The following NDUFAF6 variants were observed in gnomAD, a reference collection of about 807,000 sequenced individuals.
NDUFAF6 encodes the protein NADH dehydrogenase (ubiquinone) complex I, assembly factor 6.
A neutral mutation model predicts 40.8 loss-of-function variants in NDUFAF6; 45 were observed. The observed-to-expected ratio is 1.10, with a 90% CI of 0.87 to 1.42. The LOEUF (loss-of-function observed/expected upper bound fraction) is 1.42. NDUFAF6 is among the 40% of genes most tolerant of loss of function. The probability of loss-of-function intolerance (pLI) is 0.00; values close to 1 mark genes in which losing one functional copy is unlikely to be tolerated. For missense variants in NDUFAF6, 435 were observed against 418.5 expected (o/e 1.04, Z -0.34); for synonymous variants, 185 against 155.9 (o/e 1.19, Z -1.39).
chr8:95,102,539 T>C (rs1402275458), intron 2 of NDUFAF6, among the ~76,000 whole-genome samples: 2 of 151,816 alleles, frequency 1.3e-5, no homozygotes, highest in Non-Finnish European at 2.9e-5. Flanking sequence ...GACAGAGGAG[T>C]TGCTGTTATG....
chr8:95,037,005 T>A (rs976389943), intron 3 of NDUFAF6, among the ~76,000 whole-genome samples: 5 of 152,210 alleles, frequency 3.3e-5, no homozygotes, highest in Non-Finnish European at 7.3e-5. Flanking sequence ...GTTGGGTTCT[T>A]GAGGAGATTA....
intron 2 of NDUFAF6, among the ~76,000 whole-genome samples, chr8:95,081,780 G>A (rs185183994): frequency 2.0e-5 from 3 of 152,248 alleles, no homozygotes; most frequent in Non-Finnish European, 4.4e-5. Context: ...ACTCCTGTTG[G>A]GCCGGGCGTG....
intron 4 of NDUFAF6, among the ~76,000 whole-genome samples, chr8:95,111,532 C>T (rs1390104256): frequency 6.6e-6 from 1 of 152,156 alleles, no homozygotes; most frequent in East Asian, 1.9e-4. Flanking sequence ...TGCTGTTTAG[C>T]CATTTGCTTG....
At chr8:94,999,935 G>C (rs958820563) in intron 2 of NDUFAF6, among the ~76,000 whole-genome samples, 3 of 152,062 alleles carry the variant, frequency 2.0e-5, no homozygotes, top group African/African-American at 7.3e-5. Flanking sequence ...TTGGGGGCCA[G>C]ATGTGGTGGC....
At chr8:95,047,977 T>C (rs1830999644) in intron 6 of NDUFAF6, among the ~76,000 whole-genome samples, 1 of 151,994 alleles carries the variant, frequency 6.6e-6, no homozygotes, top group Non-Finnish European at 1.5e-5. Context: ...GAGGGTCGCT[T>C]GAGTCCAGGA....
chr8:94,909,813 TACAC>T (rs113853762), intron 1 of NDUFAF6, among the ~76,000 whole-genome samples: 15 of 146,868 alleles, frequency 1.0e-4, no homozygotes, highest in Admixed American at 6.8e-5. Context: ...TATATATATA[TACAC>T]ACACACACAC....
chr8:94,903,565 A>G (rs776293714), intron 1 of NDUFAF6, among the ~76,000 whole-genome samples: 1 of 152,258 alleles, frequency 6.6e-6, no homozygotes, highest in Non-Finnish European at 1.5e-5. Flanking sequence ...TTACGCAGTA[A>G]TAGCATAAAA....
chr8:95,004,414 G>A (rs909808602), intron 2 of NDUFAF6, among the ~76,000 whole-genome samples: 17 of 146,566 alleles, frequency 1.2e-4, no homozygotes, highest in African/African-American at 3.4e-4. Flanking sequence ...GACTGCAGTG[G>A]CACAATCACA....
At chr8:95,047,592 C>T (rs372572763) in intron 6 of NDUFAF6, among the ~76,000 whole-genome samples, 3 of 150,888 alleles carry the variant, frequency 2.0e-5, no homozygotes, top group Admixed American at 1.3e-4. Flanking sequence ...TCACTGCAAC[C>T]TCCGCCTCCT....
intron 4 of NDUFAF6, among the ~76,000 whole-genome samples, chr8:95,114,441 G>A (rs1199093170): frequency 6.6e-6 from 1 of 152,218 alleles, no homozygotes; most frequent in Non-Finnish European, 1.5e-5. Context: ...TATACCAAAA[G>A]CCATGTTTGC....
chr8:95,000,213 T>C (rs2131640390), intron 2 of NDUFAF6, among the ~76,000 whole-genome samples: 1 of 152,254 alleles, frequency 6.6e-6, no homozygotes, highest in South Asian at 2.1e-4. Flanking sequence ...GGTGCATGCC[T>C]ATAGTCCCAG....
intron 2 of NDUFAF6, among the ~76,000 whole-genome samples, chr8:95,081,478 A>G (rs1268505280): frequency 6.6e-6 from 1 of 151,958 alleles, no homozygotes; most frequent in Non-Finnish European, 1.5e-5. Flanking sequence ...CTAGTCTTGC[A>G]TTCCTCATTC....
At chr8:95,021,062 G>C (rs1398496752), upstream of NDUFAF6, among the ~76,000 whole-genome samples, 1 of 152,172 alleles carries the variant, frequency 6.6e-6, no homozygotes, top group African/African-American at 2.4e-5. Flanking sequence ...CTTTGATTTA[G>C]GTCTTGAATC....
At chr8:95,043,381 G>A (rs555585398) in intron 4 of NDUFAF6, among the ~76,000 whole-genome samples, 13 of 151,720 alleles carry the variant, frequency 8.6e-5, no homozygotes, top group Non-Finnish European at 1.6e-4. Flanking sequence ...GAGCCACCGC[G>A]CCCTAGGCAG....
At chr8:95,108,687 A>G (rs1809911414) in intron 4 of NDUFAF6, among the ~76,000 whole-genome samples, 1 of 152,162 alleles carries the variant, frequency 6.6e-6, no homozygotes, top group African/African-American at 2.4e-5. Flanking sequence ...CTGTCCATTT[A>G]ACAACCAGTG....
At chr8:95,026,859 G>A (rs773727744) in intron 1 of NDUFAF6, among the ~76,000 whole-genome samples, 3 of 152,100 alleles carry the variant, frequency 2.0e-5, no homozygotes, top group Non-Finnish European at 2.9e-5. Context: ...ACCAGCCTGG[G>A]CAACATAGCG....
At chr8:94,904,519 T>C (rs2131188660) in intron 1 of NDUFAF6, among the ~76,000 whole-genome samples, 1 of 151,928 alleles carries the variant, frequency 6.6e-6, no homozygotes, top group South Asian at 2.1e-4. Context: ...ATTGTTTTTC[T>C]TCAGAGACTC....
chr8:95,074,649 C>A (rs1832976771), intron 9 of NDUFAF6, among the ~76,000 whole-genome samples: 2 of 152,178 alleles, frequency 1.3e-5, no homozygotes, highest in Admixed American at 1.3e-4. Flanking sequence ...ATTTTGACTT[C>A]CCCCTCCTCT....
intron 2 of NDUFAF6, chr8:95,101,301 A>G (rs1297800297): frequency 1.3e-5 from 2 of 152,182 alleles, no homozygotes; most frequent in Non-Finnish European, 2.9e-5. Context: ...GATTTAGGCT[A>G]AGGAATTTCT....
Sources: gnomAD v4.1 joint callset for allele counts (sites outside exome capture counted in the v4.1 genomes callset) on GRCh38, gnomAD v4.1.1 for gene constraint, MANE v1.5 for transcripts, NCBI Gene and HGNC (gene_info 2026-07-23, HGNC 2026-07-21) for gene names.